Variants in FBXO33 observed in about 807,000 individuals in gnomAD.
FBXO33 encodes the protein F-box only protein 33.
FBXO33 carries 22 observed loss-of-function variants against 46.3 expected under a neutral mutation model. That is an observed-to-expected ratio of 0.48 (90% CI 0.34 to 0.68). FBXO33 has a LOEUF of 0.68. Ranked by LOEUF, FBXO33 falls within the 30% of genes least tolerant of loss-of-function variation. The pLI, the probability that FBXO33 is intolerant of heterozygous loss-of-function variation, is 0.01. For missense variants in FBXO33, 692 were observed against 708.8 expected (o/e 0.98, Z 0.27); for synonymous variants, 337 against 291.3 (o/e 1.16, Z -1.60).
At chr14:39,429,039 T>C (rs1275714581) in intron 1 of FBXO33, among the ~76,000 whole-genome samples, 1 of 152,218 alleles carries the variant, frequency 6.6e-6, no homozygotes, top group Non-Finnish European at 1.5e-5. Context: ...GATACAGGTA[T>C]GGCAACTATA....
intron 1 of FBXO33, among the ~76,000 whole-genome samples, chr14:39,423,238 A>G (rs933165076): frequency 2.0e-5 from 3 of 152,248 alleles, no homozygotes; most frequent in Admixed American, 2.0e-4. Context: ...TAAAAGTACA[A>G]TATAATACAC....
At chr14:39,410,679 T>G (rs1415043437) in intron 1 of FBXO33, among the ~76,000 whole-genome samples, 1 of 152,190 alleles carries the variant, frequency 6.6e-6, no homozygotes, top group East Asian at 1.9e-4. Context: ...GGGGGAAGGT[T>G]TTTAATAATT....
chr14:39,413,932 C>G (rs2075435662), intron 1 of FBXO33, among the ~76,000 whole-genome samples: 1 of 152,184 alleles, frequency 6.6e-6, no homozygotes, highest in Admixed American at 6.5e-5. Context: ...CTTAAGGGCC[C>G]TAGGACTTTT....
In FBXO33 at chr14:39,431,884, G is replaced by A. The variant is rs942290935; in HGVS notation, c.279C>T (p.Ala93=). Residue 93 remains alanine (A), a synonymous_variant, in exon 1 of 4, where the codon GCC becomes GCT. Transcript: ENST00000298097. ...LPAPDRLRAS[A]SCSHWRECLF... is the part of the protein sequence containing the mutation. ...GGCACTCACGCCAGTGCGAGCAGGAGGCCGAGGCCCGCAGCCGGTCGGGCG... is the reference window on the plus strand; with the variant it reads ...GGCACTCACGCCAGTGCGAGCAGGAAGCCGAGGCCCGCAGCCGGTCGGGCG... 4.5e-6 allele frequency: 7 copies of A among 1,566,584 alleles called. No individual in the cohort carries two copies. In the South Asian group the frequency reaches 8.0e-5, roughly 18 times the overall value.
chr14:39,398,850 T>C lies in FBXO33; in HGVS notation c.*666A>G, dbSNP rs939894388. On this transcript the variant is annotated 3_prime_UTR_variant, in exon 4 of 4. Transcript: ENST00000298097. ...GTGTAATGTAATTGATGAATAAAAT[T>C]ATGTCAGATATAGTTAAAAAATCCA... 3 of 152,404 alleles carry C rather than the reference T, an allele frequency of 2.0e-5. No individual in the cohort carries two copies. The highest frequency in any genetic ancestry group is 3.4e-3 in the Middle Eastern group (1 of 294). The allele number at this position is 152,404 out of a possible 1,614,324, so 9.4% of individuals were successfully genotyped here. A position where few individuals can be genotyped will look rare whatever the true frequency, so the allele number is the denominator to read the frequency against.
chr14:39,417,003 C>T (rs2075451691), intron 1 of FBXO33, among the ~76,000 whole-genome samples: 1 of 152,144 alleles, frequency 6.6e-6, no homozygotes. Flanking sequence ...CACTCATTTC[C>T]CTTTATTCCT....
chr14:39,411,252 C>T (rs1318060249), intron 1 of FBXO33, among the ~76,000 whole-genome samples: 2 of 151,710 alleles, frequency 1.3e-5, no homozygotes, highest in East Asian at 3.9e-4. Context: ...ACCACCACCA[C>T]ACCCAACTAA....
Position 39,431,665 on chromosome 14 carries a change from C to T in FBXO33, c.498G>A (p.Gly166=), listed in dbSNP as rs1297568871. The T allele has an allele frequency of 1.2e-6, 2 of 1,613,504 alleles. No individual in the cohort carries two copies. The highest frequency in any genetic ancestry group is 1.6e-4 in the Middle Eastern group (1 of 6,084). ...AGAGCTGCAGGGCCTCGACTTCCTC[C>T]CCTCCAGTCCCGGTGTCCGCGCCAC... is the stretch of plus-strand genomic sequence containing the variant. ...DGGGADTGTG[G]EEVEALQLSA... The change falls in exon 1 of 4, where the codon GGG becomes GGA. Residue 166 remains glycine (G), a synonymous_variant. Coordinates refer to ENST00000298097, the MANE Select transcript of FBXO33 (RefSeq NM_203301.4).
chr14:39,407,779 A>T (rs1208216084), intron 1 of FBXO33, among the ~76,000 whole-genome samples: 2 of 152,126 alleles, frequency 1.3e-5, no homozygotes, highest in Non-Finnish European at 2.9e-5. Context: ...TATCTTTGAG[A>T]TCCTGATTAC....
rs1164963361 is a variant in FBXO33 at position 39,399,727 on chromosome 14, T to C, written c.1457A>G (p.Lys486Arg). 2.5e-6 allele frequency: 4 copies of C among 1,613,526 alleles called. No individual in the cohort carries two copies. The highest frequency in any genetic ancestry group is 2.2e-5 in the East Asian group (1 of 44,878). ...GCTTTCTTCGGTGACTTCAAGCACT[T>C]TCAGATCAGAGCCCCGAAGACGAGC... Reference protein sequence around the residue: ...AIARLRGSDLKVLEVTEESID... With the variant: ...AIARLRGSDLRVLEVTEESID... The change falls in exon 4 of 4, where the codon AAA (lysine) becomes AGA (arginine). Residue 486 changes from lysine (K) to arginine (R), a missense_variant. This residue lies in a region of FBXO33 where 94 missense variants were observed against 91.9 expected (regional missense o/e 1.02). Transcript: ENST00000298097.
In FBXO33 at chr14:39,399,045, A is replaced by ATTAT. The variant is rs2075356661; in HGVS notation, c.*467_*470dup. ...CTGTTACAGATAATTCATTTGGGAT[A>ATTAT]TTATTTATCTTCCATTTGAAATCAA... On this transcript the variant is annotated 3_prime_UTR_variant, in exon 4 of 4. Transcript: ENST00000298097. The ATTAT allele has an allele frequency of 6.5e-6, 1 of 152,770 alleles. No individual in the cohort carries two copies. Among genetic ancestry groups the ATTAT allele is most frequent in the African/African-American group, 2.4e-5 (1 of 41,462 alleles). The allele number at this position is 152,770 out of a possible 1,614,324, so 9.5% of individuals were successfully genotyped here. A position where few individuals can be genotyped will look rare whatever the true frequency, so the allele number is the denominator to read the frequency against.
chr14:39,431,460 C>T (rs2075549169), intron 1 of FBXO33, 104 bp downstream of exon 1: 1 of 1,559,238 alleles, frequency 6.4e-7, no homozygotes, highest in Non-Finnish European at 8.6e-7. Flanking sequence ...AGGAAGGCAA[C>T]ACTGAAGTTG....
At chr14:39,423,988 G>A (rs61999076) in intron 1 of FBXO33, among the ~76,000 whole-genome samples, 2,358 of 152,166 alleles carry the variant, frequency 0.015, 23 homozygotes, top group Non-Finnish European at 0.026. Context: ...AGTGTCTATT[G>A]TTTCTATTTT....
chr14:39,420,371 G>A (rs191431827), intron 1 of FBXO33, among the ~76,000 whole-genome samples: 2 of 152,180 alleles, frequency 1.3e-5, no homozygotes, highest in African/African-American at 2.4e-5. Flanking sequence ...AATGATATCT[G>A]GGAATTGCTT....
chr14:39,427,569 G>C (rs1400418537), intron 1 of FBXO33, among the ~76,000 whole-genome samples: 1 of 152,146 alleles, frequency 6.6e-6, no homozygotes. Context: ...AACTGTTGGA[G>C]ATAATACCTT....
chr14:39,406,074 T>C (rs977932122), intron 1 of FBXO33, among the ~76,000 whole-genome samples: 3 of 151,864 alleles, frequency 2.0e-5, no homozygotes, highest in Admixed American at 6.6e-5. Flanking sequence ...TATATAAGTA[T>C]GTCTGCTTTT....
intron 3 of FBXO33, 25 bp from the exon 4 acceptor site, chr14:39,399,812 C>T: frequency 1.3e-6 from 2 of 1,491,464 alleles, no homozygotes; most frequent in Non-Finnish European, 1.8e-6. Context: ...AAAGACAACA[C>T]TGTAATTTCC....
intron 1 of FBXO33, among the ~76,000 whole-genome samples, chr14:39,416,372 C>T (rs1455546896): frequency 6.6e-6 from 1 of 151,966 alleles, no homozygotes; most frequent in East Asian, 1.9e-4. Flanking sequence ...CTGTTTGGCA[C>T]TCTTTGACCT....
chr14:39,402,612 T>A, intron 1 of FBXO33, 101 bp from the exon 2 acceptor site: 1 of 465,096 alleles, frequency 2.2e-6, no homozygotes, highest in Admixed American at 4.4e-5. Context: ...CTAGGAAGGT[T>A]TCTATTTTAT....
Sources: gnomAD v4.1 joint callset for allele counts (sites outside exome capture counted in the v4.1 genomes callset) on GRCh38, gnomAD v4.1.1 for gene constraint, gnomAD v4.1.1 regional missense constraint, MANE v1.5 for transcripts, NCBI Gene and HGNC (gene_info 2026-07-23, HGNC 2026-07-21) for gene names.